DUSP19: variants seen among roughly 807,000 people sequenced by gnomAD.
DUSP19 encodes dual specificity protein phosphatase 19.
Under a neutral mutation model 16.6 loss-of-function variants are expected in DUSP19, and 14 were observed. The observed-to-expected ratio is 0.84, with a 90% CI of 0.56 to 1.32. The LOEUF (loss-of-function observed/expected upper bound fraction) is 1.32, where lower values mean the gene tolerates loss of function less well. Ranked by LOEUF, DUSP19 falls within the 40% of genes most tolerant of loss-of-function variation. The pLI is 0.00. For synonymous variants in DUSP19, 81 were observed against 90.5 expected (o/e 0.90, Z 0.59); for missense variants, 258 against 255.9 (o/e 1.01, Z -0.06).
chr2:183,087,017 C>T, intron 2 of DUSP19, 23 bp from the exon 3 acceptor site: 2 of 1,597,106 alleles, frequency 1.3e-6, no homozygotes, highest in East Asian at 2.2e-5. Flanking sequence ...TTAAAACAAT[C>T]ATCTTTTTTC....
chr2:183,083,367 A>G, intron 1 of DUSP19, 141 bp from the exon 2 acceptor site: 1 of 672,812 alleles, frequency 1.5e-6, no homozygotes, highest in Non-Finnish European at 2.5e-6. Context: ...ACTGTTATCA[A>G]ATTGCCCTTC....
Position 183,095,491 on chromosome 2 carries a change from G to C in DUSP19, c.487G>C (p.Gly163Arg). The C allele has an allele frequency of 6.2e-7, 1 of 1,611,460 alleles. No individual in the cohort carries two copies. The highest frequency in any genetic ancestry group is 8.5e-7 in the Non-Finnish European group (1 of 1,178,936). The change falls in exon 4 of 4, where the codon GGT (glycine) becomes CGT (arginine). Residue 163 changes from glycine (G) to arginine (R), a missense_variant. Transcript: ENST00000354221. The part of the protein sequence containing the change: ...GVSRAAAIVI[G>R]FLMNSEQTSF... ...TTCCAGGGCTGCTGCAATTGTAATA[G>C]GTTTCCTGATGAATTCTGAACAAAC...
rs925190014 is a variant in DUSP19 at position 183,098,512 on chromosome 2, A to G, written c.*2854A>G. 2 of 152,204 alleles carry G rather than the reference A, an allele frequency of 1.3e-5. No homozygotes were observed. Among genetic ancestry groups the G allele is most frequent in the African/African-American group, 4.8e-5 (2 of 41,454 alleles). The allele number at this position is 152,204 out of a possible 1,614,324, so 9.4% of individuals were successfully genotyped here. ...ATGATTACGGTCCTCTTTCTCACAT[A>G]CTGCAAACTTAAAAGATACATACAC... On this transcript the variant is annotated 3_prime_UTR_variant, in exon 4 of 4. Transcript: ENST00000354221.
At position 183,078,979 on chromosome 2, in the gene DUSP19, C is replaced by T; in HGVS notation, c.46C>T (p.Leu16Phe). 6.2e-7 allele frequency: 1 copy of T among 1,614,134 alleles called. No homozygotes were observed. The highest frequency in any genetic ancestry group is 8.5e-7 in the Non-Finnish European group (1 of 1,180,030). The change falls in exon 1 of 4, where the codon CTC becomes TTC. Residue 16 changes from leucine (L) to phenylalanine (F), a missense_variant. By Grantham distance (22) the Leu-to-Phe change is conservative (BLOSUM62 0). Coordinates refer to ENST00000354221, the MANE Select transcript of DUSP19 (RefSeq NM_080876.4). ...QEIKAFSRNN[L>F]RKQCTRVTTL... ...AATTAAAGCATTCTCCCGGAATAAT[C>T]TCAGGAAGCAATGCACCAGGGTGAC...
At chr2:183,087,984 C>T (rs1699683624) in intron 3 of DUSP19, among the ~76,000 whole-genome samples, 1 of 152,030 alleles carries the variant, frequency 6.6e-6, no homozygotes, top group East Asian at 1.9e-4. Context: ...ACTAGACTAC[C>T]CAGAAAATAT....
chr2:183,095,337 C>T (rs1168676770), intron 3 of DUSP19, 94 bp from the exon 4 acceptor site: 1 of 976,128 alleles, frequency 1.0e-6, no homozygotes, highest in African/African-American at 1.6e-5. Context: ...TGAATATTTA[C>T]TTTATACTTT....
chr2:183,100,005 A>AAAAT (rs1323337823), exon 4 of DUSP19: 2 of 151,992 alleles, frequency 1.3e-5, no homozygotes, highest in Non-Finnish European at 2.9e-5. Context: ...AAAAAAAAAA[A>AAAAT]AAATGTTGGG....
At chr2:183,090,962 G>A (rs1382672744) in intron 3 of DUSP19, among the ~76,000 whole-genome samples, 2 of 152,160 alleles carry the variant, frequency 1.3e-5, no homozygotes, top group Admixed American at 6.5e-5. Context: ...AACTCTGGGC[G>A]GCCACTTTGG....
chr2:183,095,576 C>A lies in DUSP19; in HGVS notation c.572C>A (p.Ser191Tyr). The change falls in exon 4 of 4, where the codon TCT becomes TAT. Residue 191 changes from serine (S) to tyrosine (Y), a missense_variant. By Grantham distance (144) the Ser-to-Tyr change is moderately radical (BLOSUM62 -2). Coordinates refer to ENST00000354221, the MANE Select transcript of DUSP19 (RefSeq NM_080876.4). ...GCAAGACCTTCCATATGTCCAAATT[C>A]TGGCTTCATGGAGCAGCTTCGTACA... The part of the protein sequence containing the change: ...KNARPSICPN[S>Y]GFMEQLRTYQ... The A allele has an allele frequency of 6.2e-7, 1 of 1,614,006 alleles. No individual in the cohort carries two copies. The highest frequency in any genetic ancestry group is 8.5e-7 in the Non-Finnish European group (1 of 1,179,968).
At chr2:183,084,965 G>C (rs993243560) in intron 2 of DUSP19, among the ~76,000 whole-genome samples, 3 of 152,134 alleles carry the variant, frequency 2.0e-5, no homozygotes, top group African/African-American at 7.2e-5. Flanking sequence ...CAAGGCTGAT[G>C]TCTAGCTTTC....
chr2:183,083,449 A>G, intron 1 of DUSP19, 59 bp from the exon 2 acceptor site: 1 of 1,460,898 alleles, frequency 6.8e-7, no homozygotes, highest in Non-Finnish European at 9.3e-7. Context: ...GTAGAAATTT[A>G]TATAAAAGTT....
intron 3 of DUSP19, among the ~76,000 whole-genome samples, chr2:183,094,267 C>T (rs949122478): frequency 2.0e-5 from 3 of 152,148 alleles, no homozygotes; most frequent in Non-Finnish European, 4.4e-5. Context: ...CAACAGATGT[C>T]TGAATCGGAA....
chr2:183,087,727 A>G (rs908089750), intron 3 of DUSP19, among the ~76,000 whole-genome samples: 1 of 152,214 alleles, frequency 6.6e-6, no homozygotes, highest in Admixed American at 6.5e-5. Flanking sequence ...TTAGTCAGCA[A>G]ATAATTCTTA....
Position 183,087,345 on chromosome 2 carries a change from G to A in DUSP19, c.426+153G>A, listed in dbSNP as rs181041798. On this transcript the variant is annotated intron_variant, in intron 3 of 3. Coordinates refer to ENST00000354221, the MANE Select transcript of DUSP19 (RefSeq NM_080876.4). ...TTTCATTATTTCCTACAATTATTTG[G>A]TTAATTGCTCTTTTTTCAATGAGAT... Among the ~76,000 whole-genome samples, 64 of 152,130 alleles carry A rather than the reference G, an allele frequency of 4.2e-4. No homozygotes were observed. The East Asian group carries it at 5.4e-3, about 13-fold the overall frequency.
rs1699841568 is a variant in DUSP19 at position 183,099,118 on chromosome 2, A to AT, written c.*3462dup. 6.6e-6 allele frequency: 1 copy of AT among 152,046 alleles called. No homozygotes were observed. The highest frequency in any genetic ancestry group is 1.5e-5 in the Non-Finnish European group (1 of 67,984). The allele number at this position is 152,046 out of a possible 1,614,324, so 9.4% of individuals were successfully genotyped here. ...GGGGAAACCTGAATTTGTCAGCATG[A>AT]TTATTTGTAACTCAGATTGTTCAAA... On this transcript the variant is annotated 3_prime_UTR_variant, in exon 4 of 4. Transcript: ENST00000354221.
chr2:183,089,897 C>T (rs116337081), intron 3 of DUSP19, among the ~76,000 whole-genome samples: 7,850 of 152,264 alleles, frequency 0.052, 260 homozygotes, highest in Middle Eastern at 0.085. Flanking sequence ...CTTCAGCCTT[C>T]CTAGTAGCTG....
At chr2:183,086,605 G>A (rs1044598146) in intron 2 of DUSP19, among the ~76,000 whole-genome samples, 14 of 146,416 alleles carry the variant, frequency 9.6e-5, no homozygotes, top group African/African-American at 3.1e-4. Flanking sequence ...CCAGGAGTTC[G>A]AGACCAGCCT....
At chr2:183,079,233 CG>C in intron 1 of DUSP19, 74 bp downstream of exon 1, 1 of 1,367,032 alleles carries the variant, frequency 7.3e-7, no homozygotes, top group South Asian at 1.3e-5. Context: ...CCCCTTTATG[CG>C]TAATAGTCTG....
At chr2:183,086,918 A>C (rs930771155) in intron 2 of DUSP19, 122 bp from the exon 3 acceptor site, 4 of 852,390 alleles carry the variant, frequency 4.7e-6, no homozygotes, top group African/African-American at 1.7e-5. Context: ...CAGTATTATC[A>C]TTCAAGTGAG....
Sources: gnomAD v4.1 joint callset for allele counts (sites outside exome capture counted in the v4.1 genomes callset) on GRCh38, gnomAD v4.1.1 for gene constraint, MANE v1.5 for transcripts, NCBI Gene and HGNC (gene_info 2026-07-23, HGNC 2026-07-21) for gene names.